Variants in ANKRD6 observed in about 807,000 individuals in gnomAD.
The protein encoded by ANKRD6 is ankyrin repeat domain 6.
ANKRD6 carries 56 observed loss-of-function variants against 82.3 expected under a neutral mutation model. The observed-to-expected ratio is 0.68, with a 90% CI of 0.55 to 0.85. The LOEUF is 0.85. ANKRD6 is among the 40% of genes least tolerant of loss of function. The pLI is 0.00. For missense variants in ANKRD6, 852 were observed against 907.6 expected, an observed-to-expected ratio of 0.94 and a Z score of 0.79; for synonymous variants, 347 against 352.1, an observed-to-expected ratio of 0.99 and a Z score of 0.16.
chr6:89,502,599 A>G (rs904214313), intron 1 of ANKRD6, among the ~76,000 whole-genome samples: 3 of 152,276 alleles, frequency 2.0e-5, no homozygotes, highest in African/African-American at 7.2e-5. Flanking sequence ...TTTTTAGAAG[A>G]GTCTGGGCCA....
chr6:89,621,825 A>G, intron 9 of ANKRD6, 97 bp from the exon 10 acceptor site: 2 of 1,201,128 alleles, frequency 1.7e-6, no homozygotes, highest in Non-Finnish European at 2.4e-6. Flanking sequence ...TCTAAGCTGT[A>G]AATTCCATTA....
chr6:89,481,494 T>C (rs1266508447), intron 1 of ANKRD6, among the ~76,000 whole-genome samples: 2 of 152,212 alleles, frequency 1.3e-5, no homozygotes, highest in Admixed American at 6.5e-5. Flanking sequence ...ATTCTAAGCA[T>C]TTCAAATTAA....
At chr6:89,499,166 G>GAGC (rs1426143635) in intron 1 of ANKRD6, among the ~76,000 whole-genome samples, 1 of 152,148 alleles carries the variant, frequency 6.6e-6, no homozygotes, top group African/African-American at 2.4e-5. Flanking sequence ...CCCGGATGTA[G>GAGC]AGCAGCCTTT....
intron 1 of ANKRD6, among the ~76,000 whole-genome samples, chr6:89,480,544 A>ATATATTTTTTGTATATTTTG (rs1562598635): frequency 1.3e-5 from 2 of 150,360 alleles, no homozygotes; most frequent in African/African-American, 4.9e-5. Context: ...TATATATTTT[A>ATATATTTTTTGTATATTTTG]TATATTTTTT....
intron 7 of ANKRD6, among the ~76,000 whole-genome samples, chr6:89,616,153 C>T (rs988411521): frequency 2.0e-5 from 3 of 152,196 alleles, no homozygotes; most frequent in Non-Finnish European, 4.4e-5. Context: ...ACTCAGACAC[C>T]AAGCAGTTTT....
chr6:89,436,706 A>G (rs1770679125), intron 1 of ANKRD6, among the ~76,000 whole-genome samples: 2 of 152,358 alleles, frequency 1.3e-5, no homozygotes, highest in African/African-American at 4.8e-5. Context: ...TGCAACTTCT[A>G]TGTAAGACTA....
intron 2 of ANKRD6, among the ~76,000 whole-genome samples, chr6:89,595,523 A>G (rs994952605): frequency 6.6e-6 from 1 of 152,062 alleles, no homozygotes; most frequent in African/African-American, 2.4e-5. Context: ...GCTGATGACC[A>G]TGACATCTTG....
intron 1 of ANKRD6, among the ~76,000 whole-genome samples, chr6:89,527,926 C>G (rs1485480247): frequency 6.6e-6 from 1 of 152,214 alleles, no homozygotes; most frequent in African/African-American, 2.4e-5. Context: ...CCTCCCACCT[C>G]AGCCTCCAAA....
chr6:89,605,849 C>A (rs1451511733), intron 4 of ANKRD6, among the ~76,000 whole-genome samples, 158 bp from the exon 5 acceptor site: 3 of 152,156 alleles, frequency 2.0e-5, no homozygotes, highest in Non-Finnish European at 2.9e-5. Context: ...GAGAAACTTA[C>A]CACTCAAATC....
At chr6:89,440,337 A>G (rs935449976) in intron 1 of ANKRD6, among the ~76,000 whole-genome samples, 1 of 152,210 alleles carries the variant, frequency 6.6e-6, no homozygotes, top group Non-Finnish European at 1.5e-5. Flanking sequence ...AGGCAAATAC[A>G]TGGGGAACTA....
chr6:89,514,400 T>TTTTTG (rs889191182), intron 1 of ANKRD6, among the ~76,000 whole-genome samples: 12 of 151,680 alleles, frequency 7.9e-5, no homozygotes, highest in African/African-American at 9.7e-5. Flanking sequence ...TTTTTTGGAG[T>TTTTTG]TTTTGTTTTG....
intron 1 of ANKRD6, among the ~76,000 whole-genome samples, chr6:89,446,381 AATT>A (rs1218415759): frequency 6.6e-6 from 1 of 152,094 alleles, no homozygotes; most frequent in Non-Finnish European, 1.5e-5. Context: ...AATTAAATAA[AATT>A]AGGTGAATTA....
intron 1 of ANKRD6, among the ~76,000 whole-genome samples, chr6:89,520,104 C>G (rs1461232654): frequency 6.6e-6 from 1 of 152,202 alleles, no homozygotes; most frequent in Non-Finnish European, 1.5e-5. Context: ...CTACTTCAGC[C>G]TCCCACATAC....
At chr6:89,603,387 C>T (rs1374101449) in intron 4 of ANKRD6, among the ~76,000 whole-genome samples, 1 of 139,066 alleles carries the variant, frequency 7.2e-6, no homozygotes, top group East Asian at 2.1e-4. Context: ...AGTGCAATGG[C>T]ATGATCATAG....
intron 1 of ANKRD6, among the ~76,000 whole-genome samples, chr6:89,521,659 T>C (rs963328299): frequency 6.6e-5 from 10 of 152,156 alleles, no homozygotes; most frequent in Non-Finnish European, 1.5e-4. Context: ...GGTGACGTTT[T>C]AGATTAGGGC....
At chr6:89,540,437 C>T (rs1784326028) in intron 1 of ANKRD6, among the ~76,000 whole-genome samples, 1 of 152,102 alleles carries the variant, frequency 6.6e-6, no homozygotes, top group Non-Finnish European at 1.5e-5. Flanking sequence ...TGAGAAATAT[C>T]TACTCAAATA....
chr6:89,624,453 A>T (rs1401025802), intron 12 of ANKRD6, 86 bp from the exon 13 acceptor site: 1 of 1,467,518 alleles, frequency 6.8e-7, no homozygotes, highest in East Asian at 2.5e-5. Flanking sequence ...ATCCCCTGGT[A>T]TACTGCCTGG....
intron 7 of ANKRD6, among the ~76,000 whole-genome samples, chr6:89,616,109 A>G (rs900608391): frequency 6.6e-6 from 1 of 152,214 alleles, no homozygotes; most frequent in African/African-American, 2.4e-5. Context: ...TTGCAGAAGT[A>G]GCCATCTTCA....
chr6:89,457,120 G>A (rs1217571990), intron 1 of ANKRD6, among the ~76,000 whole-genome samples: 1 of 152,124 alleles, frequency 6.6e-6, no homozygotes, highest in Non-Finnish European at 1.5e-5. Context: ...CTTTCCACTG[G>A]CTGCTTGAAT....
Sources: allele counts gnomAD v4.1 joint callset (sites outside exome capture counted in the v4.1 genomes callset), GRCh38; gene constraint gnomAD v4.1.1; transcripts MANE v1.5; gene names NCBI Gene and HGNC (gene_info 2026-07-23, HGNC 2026-07-21).